PLB1: variants seen among roughly 807,000 people sequenced by gnomAD.
PLB1 encodes the protein phospholipase B1.
A neutral mutation model predicts 227.4 loss-of-function variants in PLB1; 242 were observed. The observed-to-expected ratio is 1.06, with a 90% CI of 0.96 to 1.18. PLB1 has a LOEUF of 1.18. PLB1 is among the 50% of genes most tolerant of loss of function. PLB1 has a pLI of 0.00. For missense variants in PLB1, 1,858 were observed against 1,816.3 expected (o/e 1.02, Z -0.42); for synonymous variants, 757 against 682.2 (o/e 1.11, Z -1.71).
intron 2 of PLB1, among the ~76,000 whole-genome samples, chr2:28,517,833 G>A (rs539527507): frequency 5.2e-4 from 78 of 150,076 alleles, no homozygotes; most frequent in Non-Finnish European, 8.7e-4. Context: ...TTACATTACT[G>A]TGCAACCATC....
rs772773653 is a variant in PLB1, at chr2:28,582,075, A to G, written c.1574A>G (p.Tyr525Cys). 108 of 1,613,480 alleles carry G rather than the reference A, an allele frequency of 6.7e-5. No homozygotes were observed. In the East Asian group the frequency reaches 2.0e-3, roughly 30 times the overall value. ...CACTTCCTCTTCCTGCAGGTCCACT[A>G]TTCTCCCCAGAACTTCACAGACAAC... ...LCDFCNDLVHYSPQNFTDNIG... is the reference protein window; with the variant it reads ...LCDFCNDLVHCSPQNFTDNIG... The change falls in exon 24 of 58, where the codon TAT becomes TGT. Residue 525 changes from tyrosine to cysteine, a missense_variant. Transcript: ENST00000327757.
intron 17 of PLB1, among the ~76,000 whole-genome samples, chr2:28,559,821 G>A (rs1351091419): frequency 7.8e-6 from 1 of 128,810 alleles, no homozygotes; most frequent in Non-Finnish European, 1.6e-5. Flanking sequence ...GCGCAATCTC[G>A]GCTCACTGCA....
At chr2:28,610,133 A>G (rs1275970642) in intron 43 of PLB1, among the ~76,000 whole-genome samples, 4 of 152,024 alleles carry the variant, frequency 2.6e-5, no homozygotes, top group Non-Finnish European at 5.9e-5. Flanking sequence ...TCCAGGATAC[A>G]TGTGCAGAAG....
intron 9 of PLB1, among the ~76,000 whole-genome samples, chr2:28,532,710 C>G (rs1228954588): frequency 6.6e-6 from 1 of 152,156 alleles, no homozygotes; most frequent in Non-Finnish European, 1.5e-5. Flanking sequence ...CATGTAAGTT[C>G]TGAATTTAGG....
intron 7 of PLB1, 74 bp downstream of exon 7, chr2:28,529,481 G>A (rs4432404): frequency 0.056 from 73,336 of 1,302,626 alleles, 2,493 homozygotes; most frequent in Non-Finnish European, 0.067. Flanking sequence ...GGAGGATTTG[G>A]GGGGCTGGCA....
intron 38 of PLB1, among the ~76,000 whole-genome samples, 154 bp from the exon 39 acceptor site, chr2:28,602,667 G>C (rs1220431399): frequency 1.3e-5 from 2 of 152,228 alleles, no homozygotes; most frequent in Non-Finnish European, 2.9e-5. Flanking sequence ...CGGCCTGTAA[G>C]GCCCTACGAG....
intron 1 of PLB1, among the ~76,000 whole-genome samples, chr2:28,514,048 T>A (rs1201570443): frequency 6.6e-6 from 1 of 152,248 alleles, no homozygotes; most frequent in Non-Finnish European, 1.5e-5. Flanking sequence ...ATTCATTTTT[T>A]AAAACTTAAT....
At position 28,643,285 on chromosome 2, in the gene PLB1, G is replaced by A. The variant is rs546430945; in HGVS notation, c.*224G>A. ...CTATTTTATTCCTGGGTTTGCCTGCGTGAAGCACTCACCTTCCATCTCTTG... is the reference window on the plus strand; with the variant it reads ...CTATTTTATTCCTGGGTTTGCCTGCATGAAGCACTCACCTTCCATCTCTTG... On this transcript the variant is annotated 3_prime_UTR_variant, in exon 58 of 58. Coordinates refer to ENST00000327757, the MANE Select transcript of PLB1 (RefSeq NM_153021.5). 185 of 441,424 alleles carry A rather than the reference G, an allele frequency of 4.2e-4. No individual in the cohort carries two copies. The highest frequency in any genetic ancestry group is 6.5e-4 in the Non-Finnish European group (161 of 248,954). 27.3% of individuals were successfully genotyped at this position (441,424 alleles called of 1,614,324 possible).
chr2:28,617,731 G>A lies in PLB1; in HGVS notation c.3200G>A (p.Trp1067Ter), dbSNP rs539082530. Residue 1067 changes from tryptophan to a stop codon, truncating the protein, a stop_gained, in exon 45 of 58, where the codon TGG (tryptophan) becomes TAG (stop). Transcript: ENST00000327757. LOFTEE classifies it high-confidence loss of function. ...TYPIKPAIEN[W>*]GSDFLCTEWK... ...TCTTTTCTCCTGTTGATTTAGAACT[G>A]GGGCAGTGACTTCCTGTGTACAGAG... 6.2e-7 allele frequency: 1 copy of A among 1,614,028 alleles called. No homozygotes were observed. The highest frequency in any genetic ancestry group is 2.2e-5 in the East Asian group (1 of 44,878).
At chr2:28,590,140 T>G in intron 29 of PLB1, 64 bp downstream of exon 29, 1 of 1,400,742 alleles carries the variant, frequency 7.1e-7, no homozygotes, top group South Asian at 1.2e-5. Context: ...CATTTCATCC[T>G]AGGCCCTCAC....
At chr2:28,501,902 C>T (rs1667147380) in intron 1 of PLB1, among the ~76,000 whole-genome samples, 1 of 152,080 alleles carries the variant, frequency 6.6e-6, no homozygotes, top group Non-Finnish European at 1.5e-5. Flanking sequence ...TTTGCTATTA[C>T]AAATACTACT....
In PLB1 at chr2:28,620,222, C is replaced by T. The variant is rs376816441; in HGVS notation, c.3316-43C>T. 7.6e-6 allele frequency: 11 copies of T among 1,448,582 alleles called. No homozygotes were observed. The African/African-American group carries it at 1.6e-4, about 21-fold the overall frequency. The allele number at this position is 1,448,582 out of a possible 1,614,324, so 89.7% of individuals were successfully genotyped here. A position where few individuals can be genotyped will look rare whatever the true frequency, so the allele number is the denominator to read the frequency against. On this transcript the variant is annotated intron_variant, in intron 46 of 57. Coordinates refer to ENST00000327757, the MANE Select transcript of PLB1 (RefSeq NM_153021.5). Reference sequence around the variant, plus strand: ...CCAGAGGAGGCTCTTCCAGTGCCCTCAGCCTATACCCCAGCCCTGAACTTT... The same window carrying T: ...CCAGAGGAGGCTCTTCCAGTGCCCTTAGCCTATACCCCAGCCCTGAACTTT...
At chr2:28,578,240 G>GC in intron 22 of PLB1, 82 bp downstream of exon 22, 1 of 1,411,446 alleles carries the variant, frequency 7.1e-7, no homozygotes, top group South Asian at 1.2e-5. Flanking sequence ...ATGGTTGGGA[G>GC]CCCGGCTTGG....
chr2:28,512,389 A>C (rs931507871), intron 1 of PLB1, among the ~76,000 whole-genome samples: 1 of 152,154 alleles, frequency 6.6e-6, no homozygotes, highest in Non-Finnish European at 1.5e-5. Context: ...TCAAATACAT[A>C]TAATAGCTGC....
chr2:28,604,564 G>A lies in PLB1; in HGVS notation c.2857-91G>A. 13 of 919,776 alleles carry A rather than the reference G, an allele frequency of 1.4e-5. 1 individual carries two copies. The South Asian group carries it at 1.9e-4, about 14-fold the overall frequency. 57.0% of individuals were successfully genotyped at this position (919,776 alleles called of 1,614,324 possible). On this transcript the variant is annotated intron_variant, in intron 40 of 57. Transcript: ENST00000327757. ...GGCTGAGTCGGCCCCTCCATCCAGGGAGATGGACTGCCCACCACCCCTACT... is the reference window on the plus strand; with the variant it reads ...GGCTGAGTCGGCCCCTCCATCCAGGAAGATGGACTGCCCACCACCCCTACT...
Position 28,556,943 on chromosome 2 carries a change from G to GT in PLB1, c.1147+3954dup, listed in dbSNP as rs1167371858. 8.5e-5 allele frequency among the ~76,000 whole-genome samples: 13 copies of GT among 152,124 alleles called. 1 individual carries two copies. The East Asian group carries it at 2.5e-3, about 29-fold the overall frequency. ...AAAAGCCAATATGAAAAATGGCCGG[G>GT]TTACAGCACTGGGTGGTCATTCACC... On this transcript the variant is annotated intron_variant, in intron 17 of 57. Coordinates refer to ENST00000327757, the MANE Select transcript of PLB1 (RefSeq NM_153021.5).
In PLB1 at chr2:28,501,854, C is replaced by G. The variant is rs945601993; in HGVS notation, c.55+5685C>G. On this transcript the variant is annotated intron_variant, in intron 1 of 57. Coordinates refer to ENST00000327757, the MANE Select transcript of PLB1 (RefSeq NM_153021.5). ...ATTCCAGTATGTACCATATATACCACCAGCCTCCCAACATGGCCATTAGGT... is the reference window on the plus strand; with the variant it reads ...ATTCCAGTATGTACCATATATACCAGCAGCCTCCCAACATGGCCATTAGGT... Among the ~76,000 whole-genome samples the G allele has an allele frequency of 5.3e-5, 8 of 152,208 alleles. No homozygotes were observed. In the East Asian group the frequency reaches 1.5e-3, roughly 29 times the overall value.
intron 26 of PLB1, among the ~76,000 whole-genome samples, chr2:28,587,692 C>T (rs916404787): frequency 6.6e-6 from 1 of 152,154 alleles, no homozygotes; most frequent in African/African-American, 2.4e-5. Flanking sequence ...CTTCTAGGAA[C>T]TGGTTGCAGC....
At chr2:28,605,655 G>A in intron 41 of PLB1, among the ~76,000 whole-genome samples, 198 bp from the exon 42 acceptor site, 1 of 152,178 alleles carries the variant, frequency 6.6e-6, no homozygotes, top group East Asian at 1.9e-4. Context: ...GAAGGTTGGG[G>A]GTTGGCGTCA....
Sources: gnomAD v4.1 joint callset for allele counts (sites outside exome capture counted in the v4.1 genomes callset) on GRCh38, gnomAD v4.1.1 for gene constraint, MANE v1.5 for transcripts, NCBI Gene and HGNC (gene_info 2026-07-23, HGNC 2026-07-21) for gene names.